GIPC1: variants seen among roughly 807,000 people sequenced by gnomAD.
The protein encoded by GIPC1 is PDZ domain-containing protein GIPC1.
GIPC1 carries 15 observed loss-of-function variants against 28.5 expected under a neutral mutation model. The observed-to-expected ratio is 0.53, with a 90% CI of 0.35 to 0.81. The LOEUF is 0.81. GIPC1 is among the 30% of genes least tolerant of loss of function. The pLI is 0.01. For missense variants in GIPC1, 439 were observed against 481.9 expected, an observed-to-expected ratio of 0.91 and a Z score of 0.83; for synonymous variants, 224 against 206.1, an observed-to-expected ratio of 1.09 and a Z score of -0.74.
chr19:14,487,351 G>C (rs2071870777), intron 3 of GIPC1, among the ~76,000 whole-genome samples: 2 of 151,270 alleles, frequency 1.3e-5, no homozygotes, highest in Admixed American at 1.3e-4. Context: ...TCCTGCCTCA[G>C]CCTCCCAGGT....
intron 4 of GIPC1, among the ~76,000 whole-genome samples, chr19:14,481,090 C>G (rs772637972): frequency 3.3e-5 from 5 of 152,216 alleles, no homozygotes; most frequent in Admixed American, 6.5e-5. Context: ...CCACCTCAGC[C>G]TCCCAAGTAG....
chr19:14,481,747 A>T (rs1035651649), intron 4 of GIPC1: 8 of 147,648 alleles, frequency 5.4e-5, no homozygotes, highest in Non-Finnish European at 1.0e-4. Flanking sequence ...AAAAAAAAAA[A>T]TTCATTGCTG....
intron 6 of GIPC1, chr19:14,479,913 GA>G: frequency 2.4e-6 from 1 of 418,336 alleles, no homozygotes. Flanking sequence ...CCAGGGAAGT[GA>G]TTTAGTCCCC....
chr19:14,486,789 G>A lies in GIPC1; in HGVS notation c.-30-3783C>T, dbSNP rs1352821288. On this transcript the variant is annotated intron_variant, in intron 3 of 8. Coordinates refer to ENST00000393033, the MANE Select transcript of GIPC1 (RefSeq NM_005716.4). ...TGCAGTGGTGCGATCTCAGCTCACT[G>A]CAACCTCCGCCTCCTGGGTTCAAGC... 2.2e-5 allele frequency among the ~76,000 whole-genome samples: 3 copies of A among 139,474 alleles called. No individual in the cohort carries two copies. The Admixed American group carries it at 2.4e-4, about 11-fold the overall frequency. 91.5% of individuals were successfully genotyped at this position (139,474 alleles called of 152,430 possible).
chr19:14,478,094 T>G lies in GIPC1; in HGVS notation c.*322A>C. 1 of 311,994 alleles carries G rather than the reference T, an allele frequency of 3.2e-6. No homozygotes were observed. The allele number at this position is 311,994 out of a possible 1,614,324, so 19.3% of individuals were successfully genotyped here. On this transcript the variant is annotated 3_prime_UTR_variant, in exon 9 of 9. Transcript: ENST00000393033. The surrounding 1 kb of genome is among the most constrained non-coding windows in gnomAD (Gnocchi z 5.2). Reference sequence around the variant, plus strand: ...GGCCCCAGGGAGACAGAGGGACCAGTTTGGCAGCTGATGGTGGAAAGTGGT... The same window carrying G: ...GGCCCCAGGGAGACAGAGGGACCAGGTTGGCAGCTGATGGTGGAAAGTGGT...
intron 3 of GIPC1, among the ~76,000 whole-genome samples, chr19:14,490,974 C>CAAAAA (rs111731833): frequency 1.8e-5 from 2 of 113,048 alleles, no homozygotes; most frequent in Admixed American, 9.6e-5. Flanking sequence ...GACTCCATCT[C>CAAAAA]AAAAAAAAAA....
chr19:14,483,799 T>TAATAATACC (rs1877107845), intron 3 of GIPC1, among the ~76,000 whole-genome samples: 1 of 139,800 alleles, frequency 7.2e-6, no homozygotes, highest in Admixed American at 7.2e-5. Flanking sequence ...ATAATAATAA[T>TAATAATACC]ACCAGCTAGG....
chr19:14,482,676 C>T lies in GIPC1; in HGVS notation c.288+13G>A. The T allele has an allele frequency of 1.9e-6, 3 of 1,610,768 alleles. No homozygotes were observed. In the East Asian group the frequency reaches 6.7e-5, roughly 36 times the overall value. The stretch of plus-strand genomic sequence containing the variant: ...CCATCAGGGACCCTGGTGCCCGGCT[C>T]CCCAGTGGATACCTCGGCAGTTGGC... On this transcript the variant is annotated intron_variant, in intron 4 of 8. Coordinates refer to ENST00000393033, the MANE Select transcript of GIPC1 (RefSeq NM_005716.4).
intron 3 of GIPC1, among the ~76,000 whole-genome samples, chr19:14,484,797 C>T (rs2071800861): frequency 6.6e-6 from 1 of 152,006 alleles, no homozygotes; most frequent in Non-Finnish European, 1.5e-5. Flanking sequence ...TGAGGGGTCT[C>T]AATATGTTGC....
Position 14,496,076 on chromosome 19 carries a change from T to TCCGCCGCCTCCGCCGCCTCCGCC in GIPC1, c.-215_-214insGGCGGAGGCGGCGGAGGCGGCGG, listed in dbSNP as rs1568371792. 7 of 203,586 alleles carry TCCGCCGCCTCCGCCGCCTCCGCC rather than the reference T, an allele frequency of 3.4e-5. No individual in the cohort carries two copies. Among genetic ancestry groups the TCCGCCGCCTCCGCCGCCTCCGCC allele is most frequent in the African/African-American group, 2.1e-4 (7 of 33,424 alleles). 12.6% of individuals were successfully genotyped at this position (203,586 alleles called of 1,614,324 possible). A position where few individuals can be genotyped will look rare whatever the true frequency, so the allele number is the denominator to read the frequency against. The stretch of plus-strand genomic sequence containing the variant: ...CCGCCGCCGCCGCCGCCGCCGCCGC[T>TCCGCCGCCTCCGCCGCCTCCGCC]GCCTCCGCCTCCCCGTGCGCACCCG... On this transcript the variant is annotated 5_prime_UTR_variant, in exon 1 of 9. Coordinates refer to ENST00000393033, the MANE Select transcript of GIPC1 (RefSeq NM_005716.4).
At chr19:14,488,296 C>T (rs1223304810) in intron 3 of GIPC1, among the ~76,000 whole-genome samples, 1 of 151,900 alleles carries the variant, frequency 6.6e-6, no homozygotes, top group African/African-American at 2.4e-5. Context: ...ACTAAAAATA[C>T]AATACACAGG....
Position 14,478,335 on chromosome 19 carries a change from T to TC in GIPC1, c.*80dup. 3 of 1,402,096 alleles carry TC rather than the reference T, an allele frequency of 2.1e-6. No individual in the cohort carries two copies. In the South Asian group the frequency reaches 4.0e-5, roughly 19 times the overall value. The allele number at this position is 1,402,096 out of a possible 1,614,324, so 86.9% of individuals were successfully genotyped here. ...GCTGAGCTAGGCTCAGGCTGGAGGC[T>TC]CGGGTCCTGACGTCAGTGTCCCTGC... On this transcript the variant is annotated 3_prime_UTR_variant, in exon 9 of 9. Transcript: ENST00000393033. The surrounding 1 kb of genome is among the most constrained non-coding windows in gnomAD (Gnocchi z 5.2).
Position 14,479,485 on chromosome 19 carries a change from G to T in GIPC1, c.695C>A (p.Ser232Tyr). Residue 232 changes from serine to tyrosine, a missense_variant, in exon 7 of 9, where the codon TCT becomes TAT. By Grantham distance (144) the Ser-to-Tyr change is moderately radical. Transcript: ENST00000393033. ...TCGGCCAGTGCCCAGTTGTGGGCCA[G>T]AGCCAGGGCGGCCACCCGCTGAACG... ...SQRSAGGRPGSGPQLGTGRGT... is the reference protein window; with the variant it reads ...SQRSAGGRPGYGPQLGTGRGT... The T allele has an allele frequency of 6.9e-7, 1 of 1,444,386 alleles. No individual in the cohort carries two copies. The highest frequency in any genetic ancestry group is 3.3e-5 in the Admixed American group (1 of 30,214). The allele number at this position is 1,444,386 out of a possible 1,614,324, so 89.5% of individuals were successfully genotyped here.
chr19:14,489,383 A>C (rs147105344), intron 3 of GIPC1: 1 of 786,712 alleles, frequency 1.3e-6, no homozygotes, highest in African/African-American at 1.7e-5. Context: ...CATGGAGTAT[A>C]CACCATGAGC....
At chr19:14,482,196 C>T (rs1206255791) in intron 4 of GIPC1, 1 of 186,326 alleles carries the variant, frequency 5.4e-6, no homozygotes, top group Non-Finnish European at 1.1e-5. Flanking sequence ...CAGCGTCCAG[C>T]CCTGGTCGTC....
intron 3 of GIPC1, among the ~76,000 whole-genome samples, chr19:14,488,617 T>G (rs556913158): frequency 2.8e-4 from 42 of 151,404 alleles, no homozygotes; most frequent in Admixed American, 1.8e-3. Context: ...CCAGGTATGG[T>G]GGTGCATGCA....
In GIPC1 at chr19:14,478,968, G is replaced by A. The variant is rs2071663749; in HGVS notation, c.769-203C>T. On this transcript the variant is annotated intron_variant, in intron 7 of 8. Transcript: ENST00000393033. The surrounding 1 kb of genome is among the most constrained non-coding windows in gnomAD (Gnocchi z 5.2). ...ATGTGCCCAAGGAAGGTCCCTGGGA[G>A]CTGGGAAGTGGCAGAAGTGGACTAG... Among the ~76,000 whole-genome samples the A allele has an allele frequency of 6.6e-6, 1 of 152,198 alleles. No homozygotes were observed. Among genetic ancestry groups the A allele is most frequent in the African/African-American group, 2.4e-5 (1 of 41,456 alleles).
chr19:14,482,416 C>T (rs986519148), intron 4 of GIPC1: 5 of 560,650 alleles, frequency 8.9e-6, no homozygotes, highest in Non-Finnish European at 1.6e-5. Flanking sequence ...CCATCAGCTC[C>T]CACAATCCAC....
At chr19:14,485,712 G>GAC (rs2071825106) in intron 3 of GIPC1, among the ~76,000 whole-genome samples, 1 of 41,966 alleles carries the variant, frequency 2.4e-5, no homozygotes, top group Non-Finnish European at 5.0e-5. Context: ...TAGAGAGAGA[G>GAC]AGAGAGAGAG....
Sources: allele counts gnomAD v4.1 joint callset (sites outside exome capture counted in the v4.1 genomes callset), GRCh38; gene constraint gnomAD v4.1.1; non-coding constraint Gnocchi (gnomAD v3.1); transcripts MANE v1.5; gene names NCBI Gene and HGNC (gene_info 2026-07-23, HGNC 2026-07-21).